SORCS2: variants seen among roughly 807,000 people sequenced by gnomAD.
SORCS2 encodes sortilin related VPS10 domain containing receptor 2, also known as VPS10 domain-containing receptor SorCS2.
In SORCS2, 100 loss-of-function variants were observed where a neutral mutation model predicts 141.6. The ratio of observed to expected loss-of-function variants is 0.71; its 90% CI spans 0.60 to 0.83. The LOEUF is 0.83. Ranked by LOEUF, SORCS2 falls within the 40% of genes least tolerant of loss-of-function variation. SORCS2 has a pLI of 0.00. For missense variants in SORCS2, 1,646 were observed against 1,560.2 expected (o/e 1.05, Z -0.93); for synonymous variants, 789 against 676.9 (o/e 1.17, Z -2.57).
rs556385938 is a variant in SORCS2 at position 7,210,399 on chromosome 4, G to A, written c.480+17273G>A. 1.1e-4 allele frequency among the ~76,000 whole-genome samples: 17 copies of A among 152,254 alleles called. No homozygotes were observed. The South Asian group carries it at 3.5e-3, about 32-fold the overall frequency. On this transcript the variant is annotated intron_variant, in intron 1 of 26. Coordinates refer to ENST00000507866, the MANE Select transcript of SORCS2 (RefSeq NM_020777.3). ...TGGGCTCACGCCCTCCTCCTGCCTC[G>A]GCCTTCCGAGTAACTAGGACTATAG...
At chr4:7,720,011 C>T (rs576008224) in intron 18 of SORCS2, among the ~76,000 whole-genome samples, 1 of 152,014 alleles carries the variant, frequency 6.6e-6, no homozygotes, top group Admixed American at 6.6e-5. Flanking sequence ...GATCCAGGTC[C>T]GAGGCACACA....
At position 7,718,084 on chromosome 4, in the gene SORCS2, C is replaced by T. The variant is rs751960569; in HGVS notation, c.2325C>T (p.Cys775=). The T allele has an allele frequency of 3.7e-6, 6 of 1,611,370 alleles. No homozygotes were observed. The highest frequency in any genetic ancestry group is 4.2e-6 in the Non-Finnish European group (5 of 1,178,932). The change falls in exon 18 of 27, where the codon TGC becomes TGT. Residue 775 remains cysteine (C), a synonymous_variant. Coordinates refer to ENST00000507866, the MANE Select transcript of SORCS2 (RefSeq NM_020777.3). ...DMQQSQVQLQ[C]PLTPPRGLQV... ...AGCAGAGTCAGGTGCAGCTGCAGTG[C>T]CCCCTCACGCCGCCCCGGGGCCTGC... is the stretch of plus-strand genomic sequence containing the variant.
At chr4:7,425,222 G>A (rs1383877470) in intron 2 of SORCS2, among the ~76,000 whole-genome samples, 1 of 152,170 alleles carries the variant, frequency 6.6e-6, no homozygotes, top group Non-Finnish European at 1.5e-5. Flanking sequence ...CCAAATCCCT[G>A]GCCCTTGATC....
At chr4:7,712,379 C>T (rs1216997853) in intron 14 of SORCS2, among the ~76,000 whole-genome samples, 1 of 152,208 alleles carries the variant, frequency 6.6e-6, no homozygotes, top group Non-Finnish European at 1.5e-5. Context: ...ATGCAAGGAC[C>T]ACTGTGGGGG....
At chr4:7,649,881 G>A (rs750297960) in intron 4 of SORCS2, among the ~76,000 whole-genome samples, 1 of 152,154 alleles carries the variant, frequency 6.6e-6, no homozygotes, top group South Asian at 2.1e-4. Context: ...GGTGGTGCCC[G>A]TGACAAGGAC....
intron 1 of SORCS2, among the ~76,000 whole-genome samples, chr4:7,290,680 T>G (rs1716538831): frequency 6.6e-6 from 1 of 152,192 alleles, no homozygotes; most frequent in Admixed American, 6.5e-5. Flanking sequence ...TATGCACACA[T>G]GTGCATTATG....
chr4:7,729,633 G>A lies in SORCS2; in HGVS notation c.3029G>A (p.Gly1010Glu), dbSNP rs760207977. 4 of 1,598,402 alleles carry A rather than the reference G, an allele frequency of 2.5e-6. No homozygotes were observed. Among genetic ancestry groups the A allele is most frequent in the African/African-American group, 1.3e-5 (1 of 74,534 alleles). Residue 1010 changes from glycine (G) to glutamate (E), a missense_variant, in exon 23 of 27, where the codon GGG becomes GAG. By Grantham distance (98) the Gly-to-Glu change is moderately conservative (BLOSUM62 -2). Transcript: ENST00000507866. ...CTTCTGGTGACTGTGGTGAAGCCGG[G>A]GCTGCCCACTTTGGCCGATCTGTAC... ...QELLVTVVKP[G>E]LPTLADLYVL... is the part of the protein sequence containing the mutation.
At chr4:7,372,864 G>C (rs910978155) in intron 1 of SORCS2, among the ~76,000 whole-genome samples, 2 of 152,096 alleles carry the variant, frequency 1.3e-5, no homozygotes, top group African/African-American at 4.8e-5. Flanking sequence ...CCGCAGTCCT[G>C]TTGTGATTTG....
intron 1 of SORCS2, among the ~76,000 whole-genome samples, chr4:7,387,781 CATAGGT>C (rs1723523180): frequency 2.0e-5 from 3 of 147,388 alleles, no homozygotes; most frequent in Admixed American, 6.7e-5. Flanking sequence ...TGCACACACA[CATAGGT>C]ACATGCATGC....
At chr4:7,536,359 G>T (rs561809384) in intron 3 of SORCS2, among the ~76,000 whole-genome samples, 1 of 152,208 alleles carries the variant, frequency 6.6e-6, no homozygotes, top group East Asian at 1.9e-4. Context: ...GTGGGAACTC[G>T]GGCTGATTTG....
At chr4:7,423,726 G>A (rs116649507) in intron 2 of SORCS2, among the ~76,000 whole-genome samples, 2,683 of 152,238 alleles carry the variant, frequency 0.018, 50 homozygotes, top group Non-Finnish European at 0.03. Flanking sequence ...GCTGCCCCAC[G>A]GTGAGCTCTG....
chr4:7,734,235 G>A (rs767939998), intron 24 of SORCS2, 37 bp from the exon 25 acceptor site: 9 of 1,496,952 alleles, frequency 6.0e-6, no homozygotes, highest in Non-Finnish European at 8.2e-6. Flanking sequence ...GATGGGCGGT[G>A]CCCGAGGTCC....
At chr4:7,458,430 C>G (rs1729062651) in intron 2 of SORCS2, among the ~76,000 whole-genome samples, 1 of 152,046 alleles carries the variant, frequency 6.6e-6, no homozygotes, top group African/African-American at 2.4e-5. Flanking sequence ...TTTGGGGGCC[C>G]CTGAGCAAAG....
At chr4:7,707,104 A>C (rs1225429040) in intron 14 of SORCS2, among the ~76,000 whole-genome samples, 1 of 152,238 alleles carries the variant, frequency 6.6e-6, no homozygotes, top group Non-Finnish European at 1.5e-5. Context: ...TGTGGGCAGC[A>C]GCCTGTCCTC....
chr4:7,381,056 TG>T (rs1722962833), intron 1 of SORCS2, among the ~76,000 whole-genome samples: 3 of 132,802 alleles, frequency 2.3e-5, no homozygotes, highest in South Asian at 4.6e-4. Flanking sequence ...CACTCCAGCC[TG>T]GGTGATAGAG....
At chr4:7,229,292 A>G (rs1344537860) in intron 1 of SORCS2, among the ~76,000 whole-genome samples, 2 of 151,032 alleles carry the variant, frequency 1.3e-5, no homozygotes, top group African/African-American at 4.9e-5. Context: ...CTGCCATGCC[A>G]TGACCCCCTA....
intron 3 of SORCS2, among the ~76,000 whole-genome samples, chr4:7,600,009 ACAGGGTTTCATCATGTTGAC>A (rs1202089113): frequency 6.6e-6 from 1 of 151,826 alleles, no homozygotes; most frequent in Non-Finnish European, 1.5e-5. Context: ...TTTAGTAGAG[ACAGGGTTTCATCATGTTGAC>A]CAGGCTGATC....
intron 1 of SORCS2, among the ~76,000 whole-genome samples, chr4:7,350,435 T>G (rs1446191737): frequency 6.6e-6 from 1 of 152,260 alleles, no homozygotes; most frequent in African/African-American, 2.4e-5. Flanking sequence ...AGGGAGGGCC[T>G]CGGGTGCCCT....
At position 7,525,808 on chromosome 4, in the gene SORCS2, TCC is replaced by T. The variant is rs1577697183; in HGVS notation, c.549-5720_549-5719del. The stretch of plus-strand genomic sequence containing the variant: ...TCACCTGTCCCCTCCTCATACCTGT[TCC>T]CTGCAGTCACCTGTCCCCTCAGTCA... On this transcript the variant is annotated intron_variant, in intron 2 of 26. Transcript: ENST00000507866. 2.3e-4 allele frequency among the ~76,000 whole-genome samples: 22 copies of T among 96,724 alleles called. 1 individual carries two copies. Among genetic ancestry groups the T allele is most frequent in the South Asian group, 1.6e-3 (4 of 2,488 alleles). 63.5% of individuals were successfully genotyped at this position (96,724 alleles called of 152,430 possible). A position where few individuals can be genotyped will look rare whatever the true frequency, so the allele number is the denominator to read the frequency against.
Sources: gnomAD v4.1 joint callset for allele counts (sites outside exome capture counted in the v4.1 genomes callset) on GRCh38, gnomAD v4.1.1 for gene constraint, MANE v1.5 for transcripts, NCBI Gene and HGNC (gene_info 2026-07-23, HGNC 2026-07-21) for gene names.